DLGAP2: variants seen among roughly 807,000 people sequenced by gnomAD.
DLGAP2 encodes DLG associated protein 2.
DLGAP2 carries 26 observed loss-of-function variants against 100.3 expected under a neutral mutation model. That is an observed-to-expected ratio of 0.26 (90% CI 0.19 to 0.36). DLGAP2 has a LOEUF of 0.36. Among genes scored for constraint, DLGAP2 ranks in the 10% least tolerant of loss-of-function variants. DLGAP2 has a pLI of 1.00. For missense variants in DLGAP2, 1,858 were observed against 1,453.2 expected (o/e 1.28, Z -4.53); for synonymous variants, 886 against 630.1 (o/e 1.41, Z -6.08).
intron 3 of DLGAP2, among the ~76,000 whole-genome samples, chr8:1,430,031 C>CATATATATATATAT (rs1348003178): frequency 2.6e-5 from 1 of 37,938 alleles, no homozygotes; most frequent in African/African-American, 9.4e-5. Flanking sequence ...TATATATACA[C>CATATATATATATAT]ACACACACAT....
At chr8:1,206,267 G>A (rs7008970) in intron 2 of DLGAP2, among the ~76,000 whole-genome samples, 79,595 of 143,848 alleles carry the variant, frequency 0.55, 24,396 homozygotes, top group African/African-American at 0.83. Flanking sequence ...TGCAGCTCCA[G>A]CCATCCATGG....
chr8:1,666,218 G>A (rs1269712396), intron 8 of DLGAP2, among the ~76,000 whole-genome samples: 1 of 152,158 alleles, frequency 6.6e-6, no homozygotes, highest in Non-Finnish European at 1.5e-5. Flanking sequence ...ATTGATTGAC[G>A]TTAGAGGGAA....
At chr8:1,161,956 G>A (rs1415415059) in intron 2 of DLGAP2, among the ~76,000 whole-genome samples, 1 of 152,252 alleles carries the variant, frequency 6.6e-6, no homozygotes, top group Admixed American at 6.5e-5. Flanking sequence ...TCAGGGGTGC[G>A]TCAGAGTCAC....
intron 2 of DLGAP2, among the ~76,000 whole-genome samples, chr8:1,005,655 A>G (rs1277777079): frequency 6.6e-6 from 1 of 151,578 alleles, no homozygotes; most frequent in Non-Finnish European, 1.5e-5. Context: ...CCTAGGTTCA[A>G]GTGATTCTCC....
At position 1,668,374 on chromosome 8, in the gene DLGAP2, C is replaced by G. The variant is rs747926540; in HGVS notation, c.1856C>G (p.Pro619Arg). The G allele has an allele frequency of 1.9e-6, 3 of 1,583,752 alleles. No individual in the cohort carries two copies. The highest frequency in any genetic ancestry group is 2.6e-6 in the Non-Finnish European group (3 of 1,165,322). Reference sequence around the variant, plus strand: ...AAGAAAACGCCCCCACCGGTGCCCCCTCGGACCACCTCCAAGCCTCTGATC... The same window carrying G: ...AAGAAAACGCCCCCACCGGTGCCCCGTCGGACCACCTCCAAGCCTCTGATC... ...NYKKTPPPVP[P>R]RTTSKPLISV... Residue 619 changes from proline to arginine, a missense_variant, in exon 9 of 15, where the codon CCT becomes CGT. By Grantham distance (103) the Pro-to-Arg change is moderately radical (BLOSUM62 -2). Coordinates refer to ENST00000637795, the MANE Select transcript of DLGAP2 (RefSeq NM_001346810.2).
intron 3 of DLGAP2, among the ~76,000 whole-genome samples, chr8:1,351,975 C>G (rs138027226): frequency 0.038 from 420 of 10,932 alleles, no homozygotes; most frequent in African/African-American, 0.044. Context: ...TGTGTGGAAA[C>G]GCCGTGCGGG....
Position 1,549,097 on chromosome 8 carries a change from C to A in DLGAP2, c.644C>A (p.Thr215Lys), listed in dbSNP as rs758266310. The change falls in exon 5 of 15, where the codon ACG becomes AAG. Residue 215 changes from threonine to lysine, a missense_variant. Coordinates refer to ENST00000637795, the MANE Select transcript of DLGAP2 (RefSeq NM_001346810.2). ...DGFHTLQYQR[T>K]SAAAEQRSES... ...TTCCACACGCTGCAGTACCAGAGGA[C>A]GTCCGCGGCCGCCGAGCAGCGCAGC... 1.3e-6 allele frequency: 2 copies of A among 1,581,922 alleles called. No individual in the cohort carries two copies.
intron 2 of DLGAP2, among the ~76,000 whole-genome samples, chr8:1,171,637 A>G (rs1563229016): frequency 6.6e-6 from 1 of 152,182 alleles, no homozygotes; most frequent in East Asian, 1.9e-4. Flanking sequence ...CCATTATGTA[A>G]TGGCCTTCTT....
intron 13 of DLGAP2, among the ~76,000 whole-genome samples, chr8:1,695,906 G>A (rs569023806): frequency 7.9e-5 from 12 of 152,318 alleles, no homozygotes; most frequent in African/African-American, 1.4e-4. Context: ...GGCCAGGGCC[G>A]CCCTCCTGGG....
chr8:904,732 G>C lies in DLGAP2; in HGVS notation c.19-3180G>C, dbSNP rs77585469. The stretch of plus-strand genomic sequence containing the variant: ...GGACAGACACCTCGGGGTGACCGCT[G>C]AGTATATTTTGTGGCCCCAGCACCC... On this transcript the variant is annotated intron_variant, in intron 1 of 14. Transcript: ENST00000637795. 2.0e-5 allele frequency among the ~76,000 whole-genome samples: 3 copies of C among 152,206 alleles called. No homozygotes were observed. The East Asian group carries it at 5.8e-4, about 29-fold the overall frequency.
At chr8:740,821 A>T (rs1210015307) in intron 1 of DLGAP2, among the ~76,000 whole-genome samples, 1 of 152,226 alleles carries the variant, frequency 6.6e-6, no homozygotes, top group Non-Finnish European at 1.5e-5. Flanking sequence ...TACTTTGATT[A>T]TAGATTTTAA....
intron 1 of DLGAP2, among the ~76,000 whole-genome samples, chr8:821,073 T>A (rs1003994572): frequency 6.6e-6 from 1 of 152,234 alleles, no homozygotes; most frequent in African/African-American, 2.4e-5. Flanking sequence ...TCAGTTTGTT[T>A]ATTATTTTAT....
chr8:1,486,409 T>C (rs1278649476), intron 3 of DLGAP2, among the ~76,000 whole-genome samples: 2 of 152,226 alleles, frequency 1.3e-5, no homozygotes, highest in Admixed American at 1.3e-4. Flanking sequence ...TCTCTGGATC[T>C]GTGTTGTTTA....
chr8:1,624,857 C>CTCTCTCTCTG (rs1554511103), intron 6 of DLGAP2, among the ~76,000 whole-genome samples: 27 of 79,180 alleles, frequency 3.4e-4, no homozygotes, highest in African/African-American at 1.5e-3. Flanking sequence ...CTCTCTCTCT[C>CTCTCTCTCTG]TCTCTCTCTC....
In DLGAP2 at chr8:1,196,441, G is replaced by A. The variant is rs143009175; in HGVS notation, c.74-62410G>A. 9.9e-5 allele frequency among the ~76,000 whole-genome samples: 15 copies of A among 152,278 alleles called. No homozygotes were observed. In the East Asian group the frequency reaches 2.3e-3, roughly 24 times the overall value. ...TGATGTTAATGCTGAGTGAGTGAAC[G>A]AGACAGTGATCCTGTGCCCCCGAAG... On this transcript the variant is annotated intron_variant, in intron 2 of 14. Transcript: ENST00000637795.
At chr8:926,258 G>A (rs1484760522) in intron 2 of DLGAP2, among the ~76,000 whole-genome samples, 1 of 152,136 alleles carries the variant, frequency 6.6e-6, no homozygotes, top group South Asian at 2.1e-4. Context: ...CAGAGCCCTG[G>A]GACCATTCAG....
intron 3 of DLGAP2, chr8:1,379,644 G>T (rs1796044928): frequency 6.6e-6 from 1 of 152,246 alleles, no homozygotes. Flanking sequence ...ACTCAGTCCA[G>T]GCCCTGAAAG....
intron 2 of DLGAP2, among the ~76,000 whole-genome samples, chr8:1,249,423 A>T (rs938689955): frequency 1.3e-5 from 2 of 152,200 alleles, no homozygotes; most frequent in Non-Finnish European, 2.9e-5. Flanking sequence ...ACTGAGGCCT[A>T]AATACAACTT....
At chr8:1,130,207 G>A (rs1796260852) in intron 2 of DLGAP2, among the ~76,000 whole-genome samples, 1 of 152,150 alleles carries the variant, frequency 6.6e-6, no homozygotes, top group Non-Finnish European at 1.5e-5. Flanking sequence ...GAAGTGAGGT[G>A]CGTTATTGAC....
Sources: gnomAD v4.1 joint callset for allele counts (sites outside exome capture counted in the v4.1 genomes callset) on GRCh38, gnomAD v4.1.1 for gene constraint, MANE v1.5 for transcripts, NCBI Gene and HGNC (gene_info 2026-07-23, HGNC 2026-07-21) for gene names.